The following ZMYND11 variants were observed in gnomAD, a reference collection of about 807,000 sequenced individuals.
The protein encoded by ZMYND11 is zinc finger MYND-type containing 11.
Under a neutral mutation model 84.9 loss-of-function variants are expected in ZMYND11, and 9 were observed. The observed-to-expected ratio is 0.11, with a 90% CI of 0.06 to 0.18. The LOEUF is 0.18. Among genes scored for constraint, ZMYND11 ranks in the 10% least tolerant of loss-of-function variants. The pLI is 1.00. For synonymous variants in ZMYND11, 250 were observed against 244.1 expected (o/e 1.02, Z -0.23); for missense variants, 409 against 761.0 (o/e 0.54, Z 5.44).
upstream of ZMYND11, among the ~76,000 whole-genome samples, chr10:130,859 C>T (rs1401404709): frequency 1.3e-5 from 2 of 152,158 alleles, no homozygotes; most frequent in African/African-American, 4.8e-5. Flanking sequence ...TGGCTCGCGC[C>T]TGTAATTCCA....
rs182539703 is a variant in ZMYND11, at chr10:151,520, G to A, written c.-20+15961G>A. 3.6e-3 allele frequency among the ~76,000 whole-genome samples: 541 copies of A among 152,280 alleles called. 4 individuals carry two copies. The highest frequency in any genetic ancestry group is 0.011 in the African/African-American group (470 of 41,540). The stretch of plus-strand genomic sequence containing the variant: ...CCACAAGAGGAGTTTAGAGAAAAGA[G>A]AGTAAAAAGAAATGAGCAAAGTCTT... On this transcript the variant is annotated intron_variant, in intron 1 of 14. Transcript: ENST00000381604.
At chr10:192,149 C>T (rs927901456) in intron 2 of ZMYND11, among the ~76,000 whole-genome samples, 5 of 152,168 alleles carry the variant, frequency 3.3e-5, no homozygotes, top group Non-Finnish European at 7.3e-5. Flanking sequence ...TCTGCTTTCA[C>T]GGTGCCTGTA....
chr10:141,511 G>A (rs1364578748), intron 1 of ZMYND11, among the ~76,000 whole-genome samples: 2 of 152,126 alleles, frequency 1.3e-5, no homozygotes, highest in Non-Finnish European at 2.9e-5. Context: ...AAGATAAGTC[G>A]TATTTGTGTT....
At chr10:240,210 T>A in intron 8 of ZMYND11, 99 bp downstream of exon 8, 1 of 1,105,980 alleles carries the variant, frequency 9.0e-7, no homozygotes, top group Non-Finnish European at 1.3e-6. Context: ...CCATTTCCTT[T>A]AAATGTCTTT....
rs1395411692 is a variant in ZMYND11, at chr10:254,380, AAG to A, written c.*1914_*1915del. 1.3e-5 allele frequency: 2 copies of A among 152,694 alleles called. No homozygotes were observed. Among genetic ancestry groups the A allele is most frequent in the East Asian group, 3.8e-4 (2 of 5,208 alleles). The allele number at this position is 152,694 out of a possible 1,614,324, so 9.5% of individuals were successfully genotyped here. Reference sequence around the variant, plus strand: ...GTTTAAAAAAAAACAAAATTAAAAAAAGAGATTGTGGCCTGGTTTTGTAAAAG... The same window carrying A: ...GTTTAAAAAAAAACAAAATTAAAAAAAGATTGTGGCCTGGTTTTGTAAAAG... On this transcript the variant is annotated 3_prime_UTR_variant, in exon 15 of 15. Transcript: ENST00000381604.
At position 252,200 on chromosome 10, in the gene ZMYND11, T is replaced by C. The variant is rs1437708627; in HGVS notation, c.1687-148T>C. The C allele has an allele frequency of 1.1e-5, 10 of 948,930 alleles. No homozygotes were observed. The highest frequency in any genetic ancestry group is 1.2e-5 in the Non-Finnish European group (8 of 653,804). 58.8% of individuals were successfully genotyped at this position (948,930 alleles called of 1,614,324 possible). A position where few individuals can be genotyped will look rare whatever the true frequency, so the allele number is the denominator to read the frequency against. On this transcript the variant is annotated intron_variant, in intron 14 of 14. Transcript: ENST00000381604. This position sits in a 1 kb window ranked among gnomAD's most constrained non-coding sequence, Gnocchi z 4.6. ...AGTCATCCCCAGGGCTCCCTTTCCA[T>C]CTGCTGTGCATAAAACGTATTCAGA...
At chr10:185,482 T>A (rs1456676620) in intron 2 of ZMYND11, among the ~76,000 whole-genome samples, 1 of 130,772 alleles carries the variant, frequency 7.6e-6, no homozygotes, top group Non-Finnish European at 1.6e-5. Flanking sequence ...AACAATCTTG[T>A]GGTTTTTCTT....
Position 248,620 on chromosome 10 carries a change from C to A in ZMYND11, c.1500+12C>A, listed in dbSNP as rs756502445. 1.9e-6 allele frequency: 3 copies of A among 1,587,240 alleles called. No individual in the cohort carries two copies. Among genetic ancestry groups the A allele is most frequent in the Non-Finnish European group, 2.6e-6 (3 of 1,167,960 alleles). On this transcript the variant is annotated intron_variant, in intron 13 of 14. Transcript: ENST00000381604. ...AAGCTCTGGAGAAGGTAATGCTTGT[C>A]GCCACTGTGGGTGCCCTGCTGCAGC...
intron 8 of ZMYND11, among the ~76,000 whole-genome samples, chr10:240,404 T>C (rs1485107918): frequency 2.0e-5 from 3 of 152,322 alleles, no homozygotes; most frequent in Admixed American, 6.5e-5. Flanking sequence ...CTCGGGAGGC[T>C]GAGGCAGGAG....
chr10:214,604 G>T (rs2496275), intron 3 of ZMYND11, among the ~76,000 whole-genome samples: 1 of 152,072 alleles, frequency 6.6e-6, no homozygotes, highest in African/African-American at 2.4e-5. Flanking sequence ...GAAAAAGACC[G>T]CAAGACCAGG....
upstream of ZMYND11, among the ~76,000 whole-genome samples, chr10:134,205 A>C (rs1323755798): frequency 6.6e-6 from 1 of 152,222 alleles, no homozygotes; most frequent in East Asian, 1.9e-4. Flanking sequence ...ATAATAAACC[A>C]GAACAATTAT....
intron 2 of ZMYND11, among the ~76,000 whole-genome samples, chr10:186,678 A>G (rs1380780333): frequency 3.8e-5 from 5 of 130,984 alleles, no homozygotes; most frequent in Non-Finnish European, 6.8e-5. Flanking sequence ...AAAAAAAAAA[A>G]AGAAATCCCA....
At chr10:177,111 T>C (rs1846812522) in intron 1 of ZMYND11, among the ~76,000 whole-genome samples, 2 of 152,200 alleles carry the variant, frequency 1.3e-5, no homozygotes, top group African/African-American at 4.8e-5. Context: ...CTTATTGCTA[T>C]ATCCCTAGAG....
chr10:203,148 A>G (rs1943532043), intron 2 of ZMYND11, among the ~76,000 whole-genome samples: 1 of 152,160 alleles, frequency 6.6e-6, no homozygotes. Flanking sequence ...AGAATCCCCT[A>G]CAAAATCTAA....
At position 252,030 on chromosome 10, in the gene ZMYND11, G is replaced by T. The variant is rs527735395; in HGVS notation, c.1687-318G>T. On this transcript the variant is annotated intron_variant, in intron 14 of 14. Coordinates refer to ENST00000381604, the MANE Select transcript of ZMYND11 (RefSeq NM_001370100.5). The surrounding 1 kb of genome is among the most constrained non-coding windows in gnomAD (Gnocchi z 4.6). ...AGGAGCTTGTGGGGAGCAGAGAAAT[G>T]CAAGTGGTAGCTGGAAAGGGATGTG... Among the ~76,000 whole-genome samples, 8 of 152,276 alleles carry T rather than the reference G, an allele frequency of 5.3e-5. No individual in the cohort carries two copies. In the East Asian group the frequency reaches 1.5e-3, roughly 29 times the overall value.
intron 4 of ZMYND11, among the ~76,000 whole-genome samples, chr10:233,419 G>C (rs1048407920): frequency 3.3e-5 from 5 of 152,148 alleles, no homozygotes; most frequent in Admixed American, 2.6e-4. Flanking sequence ...GGATAAGTTT[G>C]GCCTGTTCTA....
intron 10 of ZMYND11, among the ~76,000 whole-genome samples, chr10:243,043 T>C (rs1253395052): frequency 6.6e-6 from 1 of 152,216 alleles, no homozygotes; most frequent in Non-Finnish European, 1.5e-5. Flanking sequence ...ACTCGGATGG[T>C]TTCAGTTTCT....
At chr10:215,898 T>A (rs1946132171) in intron 3 of ZMYND11, among the ~76,000 whole-genome samples, 1 of 152,166 alleles carries the variant, frequency 6.6e-6, no homozygotes, top group Non-Finnish European at 1.5e-5. Context: ...CTTTTGCTTT[T>A]TCTCATTTAA....
chr10:244,681 G>C (rs968803328), intron 10 of ZMYND11: 4 of 152,266 alleles, frequency 2.6e-5, no homozygotes, highest in African/African-American at 9.6e-5. Context: ...AATGTAGTTA[G>C]AGCATTGGCA....
Sources: allele counts gnomAD v4.1 joint callset (sites outside exome capture counted in the v4.1 genomes callset), GRCh38; gene constraint gnomAD v4.1.1; non-coding constraint Gnocchi (gnomAD v3.1); transcripts MANE v1.5; gene names NCBI Gene and HGNC (gene_info 2026-07-23, HGNC 2026-07-21).